The following DCDC1 variants were observed in gnomAD, a reference collection of about 807,000 sequenced individuals.
The protein encoded by DCDC1 is doublecortin domain-containing protein 1.
DCDC1 carries 200 observed loss-of-function variants against 178.3 expected under a neutral mutation model. The observed-to-expected ratio is 1.12, with a 90% CI of 1.00 to 1.26. The LOEUF (loss-of-function observed/expected upper bound fraction) is 1.26. Among genes scored for constraint, DCDC1 ranks in the 50% most tolerant of loss-of-function variants. The pLI, the probability that DCDC1 is intolerant of heterozygous loss-of-function variation, is 0.00. For synonymous variants in DCDC1, 690 were observed against 604.8 expected, an observed-to-expected ratio of 1.14 and a Z score of -2.07; for missense variants, 1,983 against 1,749.2, an observed-to-expected ratio of 1.13 and a Z score of -2.38.
chr11:31,212,624 T>A (rs578202241), intron 9 of DCDC1, among the ~76,000 whole-genome samples: 12 of 152,284 alleles, frequency 7.9e-5, no homozygotes, highest in Admixed American at 2.0e-4. Flanking sequence ...GAGATTTTTT[T>A]AAATCTATCA....
At chr11:31,289,297 A>C (rs956565523) in intron 7 of DCDC1, among the ~76,000 whole-genome samples, 3 of 152,030 alleles carry the variant, frequency 2.0e-5, no homozygotes, top group Admixed American at 2.0e-4. Flanking sequence ...GCATTTTAAC[A>C]GTCCAAGAGA....
intron 8 of DCDC1, among the ~76,000 whole-genome samples, chr11:31,252,143 A>G (rs1437924238): frequency 1.3e-5 from 2 of 152,212 alleles, no homozygotes; most frequent in African/African-American, 2.4e-5. Flanking sequence ...GATTAATATA[A>G]TCTAAAGCAG....
intron 11 of DCDC1, 41 bp from the exon 12 acceptor site, chr11:31,110,402 C>T (rs1159065444): frequency 2.9e-6 from 2 of 692,892 alleles, no homozygotes; most frequent in East Asian, 2.7e-5. Context: ...TAAATACATG[C>T]ACACATACAT....
chr11:30,884,843 A>C (rs933038787), intron 36 of DCDC1, among the ~76,000 whole-genome samples: 1 of 152,094 alleles, frequency 6.6e-6, no homozygotes, highest in Non-Finnish European at 1.5e-5. Flanking sequence ...GCAGAAATTG[A>C]ATAAGGTAAA....
At chr11:30,880,403 G>C (rs142081933) in intron 37 of DCDC1, among the ~76,000 whole-genome samples, 195 of 152,218 alleles carry the variant, frequency 1.3e-3, no homozygotes, top group African/African-American at 4.4e-3. Flanking sequence ...AGATAGAATT[G>C]CAACTGTTTT....
intron 36 of DCDC1, chr11:30,882,870 C>A (rs1269494738): frequency 6.6e-6 from 1 of 151,906 alleles, no homozygotes; most frequent in Non-Finnish European, 1.5e-5. Flanking sequence ...GTTGTGTTAC[C>A]CCTAAATTCA....
At chr11:30,939,712 T>G (rs1395423736) in intron 21 of DCDC1, among the ~76,000 whole-genome samples, 1 of 152,232 alleles carries the variant, frequency 6.6e-6, no homozygotes, top group Non-Finnish European at 1.5e-5. Flanking sequence ...GTTTGCTTAT[T>G]GTGACCTTCT....
intron 9 of DCDC1, among the ~76,000 whole-genome samples, chr11:31,166,622 G>T (rs1966812661): frequency 6.6e-6 from 1 of 151,990 alleles, no homozygotes; most frequent in South Asian, 2.1e-4. Context: ...ATATATGTGG[G>T]TCATCATTTT....
chr11:30,891,287 T>C (rs1943749148), intron 36 of DCDC1, among the ~76,000 whole-genome samples: 1 of 152,164 alleles, frequency 6.6e-6, no homozygotes. Context: ...GGGCTCTTCA[T>C]ATATAAAGCT....
Position 30,883,427 on chromosome 11 carries a change from A to G in DCDC1, c.5083-2119T>C, listed in dbSNP as rs76112564. The G allele has an allele frequency of 7.3e-3, 3,220 of 443,214 alleles. 17 individuals are homozygous for G. The highest frequency in any genetic ancestry group is 0.012 in the Non-Finnish European group (2,532 of 217,528). 27.5% of individuals were successfully genotyped at this position (443,214 alleles called of 1,614,324 possible). ...TATTGGTGTTACTGGAGAGGAATCT[A>G]GAATACATTAACCTTAAGCAGTTAT... On this transcript the variant is annotated intron_variant, in intron 36 of 38. Transcript: ENST00000684477.
chr11:31,281,637 C>T (rs369224323), intron 7 of DCDC1, among the ~76,000 whole-genome samples: 2 of 151,964 alleles, frequency 1.3e-5, no homozygotes, highest in African/African-American at 4.8e-5. Flanking sequence ...CCCATAATTC[C>T]GTTTTGTGGG....
chr11:31,000,645 T>C (rs1055693243), intron 20 of DCDC1, among the ~76,000 whole-genome samples: 2 of 152,224 alleles, frequency 1.3e-5, no homozygotes, highest in Non-Finnish European at 2.9e-5. Context: ...TTGCAGAACA[T>C]GCTACATTAA....
At chr11:30,920,969 T>A in intron 24 of DCDC1, 34 bp from the exon 25 acceptor site, 1 of 1,578,942 alleles carries the variant, frequency 6.3e-7, no homozygotes, top group Non-Finnish European at 8.6e-7. Context: ...AAAGACATAT[T>A]ACTTACAATT....
Position 31,362,624 on chromosome 11 carries a change from T to C in DCDC1, c.-125+7073A>G, listed in dbSNP as rs192555068. Among the ~76,000 whole-genome samples the C allele has an allele frequency of 2.3e-3, 349 of 152,272 alleles. 2 individuals carry two copies. The highest frequency in any genetic ancestry group is 8.1e-3 in the African/African-American group (338 of 41,576). On this transcript the variant is annotated intron_variant, in intron 1 of 38. Transcript: ENST00000684477. ...TGTCATTTGTCTGTTACTTTAACTA[T>C]CTATCACACCAAAAAACTCATTAAA...
intron 9 of DCDC1, among the ~76,000 whole-genome samples, chr11:31,239,209 A>G (rs1023189247): frequency 6.6e-6 from 1 of 152,076 alleles, no homozygotes; most frequent in Non-Finnish European, 1.5e-5. Flanking sequence ...ACCTATCTAA[A>G]GATTCTTTAA....
intron 3 of DCDC1, among the ~76,000 whole-genome samples, chr11:31,311,479 G>A (rs1302668776): frequency 1.3e-5 from 2 of 152,192 alleles, no homozygotes; most frequent in Admixed American, 1.3e-4. Context: ...ATTTCTGTCA[G>A]AAGTGTTTAA....
chr11:30,974,254 T>C (rs1390762256), intron 20 of DCDC1, among the ~76,000 whole-genome samples: 8 of 148,872 alleles, frequency 5.4e-5, no homozygotes, highest in East Asian at 2.0e-4. Context: ...GGGAAATTTA[T>C]GGCAATAAAC....
chr11:31,281,704 G>T (rs1479045728), intron 7 of DCDC1, among the ~76,000 whole-genome samples: 1 of 152,064 alleles, frequency 6.6e-6, no homozygotes, highest in Non-Finnish European at 1.5e-5. Flanking sequence ...TACTGTTCTT[G>T]TGGTTGTGAA....
chr11:31,078,405 G>GA (rs997985611), intron 17 of DCDC1, among the ~76,000 whole-genome samples: 44 of 152,136 alleles, frequency 2.9e-4, no homozygotes, highest in African/African-American at 1.0e-3. Context: ...GTCTGAGTAA[G>GA]AAAAAACTAA....
Sources: allele counts gnomAD v4.1 joint callset (sites outside exome capture counted in the v4.1 genomes callset), GRCh38; gene constraint gnomAD v4.1.1; transcripts MANE v1.5; gene names NCBI Gene and HGNC (gene_info 2026-07-23, HGNC 2026-07-21).